Variants in NGFR observed in about 807,000 individuals in gnomAD.
The protein encoded by NGFR is tumor necrosis factor receptor superfamily member 16.
In NGFR, 30 loss-of-function variants were observed where a neutral mutation model predicts 43.2. The ratio of observed to expected loss-of-function variants is 0.69; its 90% CI spans 0.52 to 0.94. The LOEUF is 0.94. NGFR is among the 40% of genes least tolerant of loss of function. The pLI, the probability that NGFR is intolerant of heterozygous loss-of-function variation, is 0.00. For synonymous variants in NGFR, 246 were observed against 259.6 expected (o/e 0.95, Z 0.50); for missense variants, 529 against 602.5 (o/e 0.88, Z 1.28).
At chr17:49,501,709 C>G (rs1385011128) in intron 1 of NGFR, among the ~76,000 whole-genome samples, 2 of 152,252 alleles carry the variant, frequency 1.3e-5, no homozygotes, top group African/African-American at 4.8e-5. Context: ...ACCTGTCCAA[C>G]CATTCATGAC....
intron 1 of NGFR, among the ~76,000 whole-genome samples, chr17:49,498,702 G>T (rs1437973181): frequency 6.6e-6 from 1 of 152,178 alleles, no homozygotes; most frequent in Admixed American, 6.5e-5. Flanking sequence ...AAAACAAAAA[G>T]ATTACAAGCG....
Position 49,512,722 on chromosome 17 carries a change from G to A in NGFR, c.997G>A (p.Gly333Arg), listed in dbSNP as rs771983336. The change falls in exon 6 of 6, where the codon GGA (glycine) becomes AGA (arginine). Residue 333 changes from glycine to arginine, a missense_variant. By Grantham distance (125) the Gly-to-Arg change is moderately radical (BLOSUM62 -2). Coordinates refer to ENST00000172229, the MANE Select transcript of NGFR (RefSeq NM_002507.4). The surrounding 1 kb of genome is among the most constrained non-coding windows in gnomAD (Gnocchi z 5.2). ...TASGQALKGD[G>R]GLYSSLPPAK... ...TTTCTCTGCAGCCCTCAAGGGTGAC[G>A]GAGGCCTCTACAGCAGCCTGCCCCC... The A allele has an allele frequency of 5.0e-6, 8 of 1,603,602 alleles. No individual in the cohort carries two copies. The highest frequency in any genetic ancestry group is 2.2e-5 in the East Asian group (1 of 44,802).
In NGFR at chr17:49,512,871, C is replaced by T. The variant is rs776805051; in HGVS notation, c.1146C>T (p.Pro382=). 11 of 1,613,190 alleles carry T rather than the reference C, an allele frequency of 6.8e-6. No homozygotes were observed. Among genetic ancestry groups the T allele is most frequent in the South Asian group, 5.5e-5 (5 of 91,090 alleles). ...ACTCCTTTACCCATGAGGCCTGCCCCGTTCGCGCCCTGCTTGCAAGCTGGG... is the reference window on the plus strand; with the variant it reads ...ACTCCTTTACCCATGAGGCCTGCCCTGTTCGCGCCCTGCTTGCAAGCTGGG... ...HIDSFTHEAC[P]VRALLASWAT... Residue 382 remains proline, a synonymous_variant, in exon 6 of 6, where the codon CCC becomes CCT. Transcript: ENST00000172229. The surrounding 1 kb of genome is among the most constrained non-coding windows in gnomAD (Gnocchi z 5.2).
chr17:49,506,211 C>A (rs2071195621), intron 2 of NGFR, 88 bp from the exon 3 acceptor site: 3 of 1,491,886 alleles, frequency 2.0e-6, no homozygotes, highest in Admixed American at 2.3e-5. Flanking sequence ...AGCGTCCTGG[C>A]AGGCAATAGG....
At chr17:49,509,795 G>A (rs2071220116) in intron 3 of NGFR, among the ~76,000 whole-genome samples, 1 of 152,160 alleles carries the variant, frequency 6.6e-6, no homozygotes, top group Admixed American at 6.5e-5. Context: ...AGCTGCCCCC[G>A]CACCCCTCCT....
intron 3 of NGFR, 110 bp from the exon 4 acceptor site, chr17:49,510,302 A>G (rs1004408927): frequency 1.3e-6 from 2 of 1,498,678 alleles, no homozygotes; most frequent in Non-Finnish European, 1.8e-6. Context: ...AGCTGGGCAC[A>G]AGAGCACCTG....
chr17:49,496,372 G>C (rs1179953788), intron 1 of NGFR: 1 of 152,236 alleles, frequency 6.6e-6, no homozygotes, highest in East Asian at 1.9e-4. Flanking sequence ...CGCTCCCGGG[G>C]TTCCCCCACG....
At chr17:49,506,682 G>GCC in intron 3 of NGFR, 24 bp downstream of exon 3, 1 of 1,174,406 alleles carries the variant, frequency 8.5e-7, no homozygotes, top group Non-Finnish European at 1.1e-6. Context: ...GGGGGGCGGG[G>GCC]GGAGTGGGGG....
chr17:49,500,121 A>G (rs1233748042), intron 1 of NGFR, among the ~76,000 whole-genome samples: 1 of 152,162 alleles, frequency 6.6e-6, no homozygotes, highest in Non-Finnish European at 1.5e-5. Flanking sequence ...GAAAAGAACA[A>G]AAGAGTTTCC....
rs2143448808 is a variant in NGFR at position 49,512,130 on chromosome 17, A to T, written c.982+78A>T. The T allele has an allele frequency of 6.6e-7, 1 of 1,519,600 alleles. No homozygotes were observed. 94.1% of individuals were successfully genotyped at this position (1,519,600 alleles called of 1,614,324 possible). On this transcript the variant is annotated intron_variant, in intron 5 of 5. Coordinates refer to ENST00000172229, the MANE Select transcript of NGFR (RefSeq NM_002507.4). This position sits in a 1 kb window ranked among gnomAD's most constrained non-coding sequence, Gnocchi z 5.2. ...AAGCAATTAAGATTAGACTCCAGGA[A>T]GGACTGTCGGGGGGGCGGCAGGGCT...
chr17:49,501,999 A>ATGGGGCCCC, intron 1 of NGFR, 64 bp from the exon 2 acceptor site: 1 of 330,980 alleles, frequency 3.0e-6, no homozygotes. Context: ...TCCCCGGAAG[A>ATGGGGCCCC]ACCCCCCCCA....
At chr17:49,500,974 TG>T (rs1452203267) in intron 1 of NGFR, among the ~76,000 whole-genome samples, 2 of 152,226 alleles carry the variant, frequency 1.3e-5, no homozygotes, top group Admixed American at 1.3e-4. Flanking sequence ...AGCTTCCCTC[TG>T]GTCCCACGAC....
chr17:49,512,644 A>G lies in NGFR; in HGVS notation c.983-64A>G. 6.6e-7 allele frequency: 1 copy of G among 1,515,862 alleles called. No homozygotes were observed. The allele number at this position is 1,515,862 out of a possible 1,614,324, so 93.9% of individuals were successfully genotyped here. On this transcript the variant is annotated intron_variant, in intron 5 of 5. Transcript: ENST00000172229. The surrounding 1 kb of genome is among the most constrained non-coding windows in gnomAD (Gnocchi z 5.2). The stretch of plus-strand genomic sequence containing the variant: ...CTCGGCCCTTCTTGGGTCTCACCCC[A>G]GTGCCCACTGTTGGGGAAAGGAGTT...
chr17:49,513,098 G>GT lies in NGFR; in HGVS notation c.*89_*90insT. 2 of 1,361,940 alleles carry GT rather than the reference G, an allele frequency of 1.5e-6. No homozygotes were observed. The highest frequency in any genetic ancestry group is 1.9e-6 in the Non-Finnish European group (2 of 1,031,730). 84.4% of individuals were successfully genotyped at this position (1,361,940 alleles called of 1,614,324 possible). ...TGGAGCCCGCACCCCCACCCTTTGG[G>GT]GGGGGCCCGCCTGGCAGAACTGAGC... On this transcript the variant is annotated 3_prime_UTR_variant, in exon 6 of 6. Transcript: ENST00000172229.
intron 2 of NGFR, chr17:49,505,795 TC>T (rs2143435102): frequency 6.5e-6 from 1 of 154,252 alleles, no homozygotes; most frequent in East Asian, 1.9e-4. Flanking sequence ...CCCCGGTCAC[TC>T]CCATTTAGGC....
Position 49,512,970 on chromosome 17 carries a change from G to A in NGFR, c.1245G>A (p.Glu415=). 6.2e-7 allele frequency: 1 copy of A among 1,604,882 alleles called. No individual in the cohort carries two copies. The highest frequency in any genetic ancestry group is 1.1e-5 in the South Asian group (1 of 90,162). Residue 415 remains glutamate, a synonymous_variant, in exon 6 of 6, where the codon GAG becomes GAA. Transcript: ENST00000172229. This position sits in a 1 kb window ranked among gnomAD's most constrained non-coding sequence, Gnocchi z 5.2. ...GCATCCAGCGAGCCGACCTCGTGGA[G>A]AGTCTGTGCAGTGAGTCCACTGCCA... ...LRRIQRADLV[E]SLCSESTATS...
intron 1 of NGFR, among the ~76,000 whole-genome samples, chr17:49,500,302 C>T (rs1202793037): frequency 3.9e-5 from 6 of 152,184 alleles, no homozygotes; most frequent in Non-Finnish European, 4.4e-5. Context: ...CCAACAGTCG[C>T]TCTCCCAGAG....
intron 1 of NGFR, among the ~76,000 whole-genome samples, chr17:49,501,663 C>T (rs1044140069): frequency 5.9e-5 from 9 of 152,258 alleles, no homozygotes; most frequent in Non-Finnish European, 7.3e-5. Context: ...TTCAGCTCTA[C>T]TTGCCCCGTT....
Position 49,495,385 on chromosome 17 carries a change from C to CTGGA in NGFR, c.-32_-29dup. The CTGGA allele has an allele frequency of 8.1e-7, 1 of 1,230,234 alleles. No homozygotes were observed. The highest frequency in any genetic ancestry group is 1.0e-6 in the Non-Finnish European group (1 of 985,376). 76.2% of individuals were successfully genotyped at this position (1,230,234 alleles called of 1,614,324 possible). On this transcript the variant is annotated 5_prime_UTR_variant, in exon 1 of 6. The change creates a new upstream start codon in the 5' untranslated region. Transcript: ENST00000172229. This position sits in a 1 kb window ranked among gnomAD's most constrained non-coding sequence, Gnocchi z 6.4. ...CCATCAGTCCGCAAAGCGGACCGAG[C>CTGGA]TGGAAGTCGAGCGCTGCCGCGGGAG...
Sources: allele counts gnomAD v4.1 joint callset (sites outside exome capture counted in the v4.1 genomes callset), GRCh38; gene constraint gnomAD v4.1.1; non-coding constraint Gnocchi (gnomAD v3.1); transcripts MANE v1.5; gene names NCBI Gene and HGNC (gene_info 2026-07-23, HGNC 2026-07-21).